FER1L6: variants seen among roughly 807,000 people sequenced by gnomAD.
FER1L6 encodes fer-1 like family member 6.
A neutral mutation model predicts 219.2 loss-of-function variants in FER1L6; 177 were observed. The ratio of observed to expected loss-of-function variants is 0.81; its 90% CI spans 0.71 to 0.91. The LOEUF is 0.91. Among genes scored for constraint, FER1L6 ranks in the 40% least tolerant of loss-of-function variants. The pLI is 0.00. For synonymous variants in FER1L6, 768 were observed against 824.3 expected (o/e 0.93, Z 1.17); for missense variants, 2,153 against 2,259.9 (o/e 0.95, Z 0.96).
intron 1 of FER1L6, among the ~76,000 whole-genome samples, chr8:123,862,736 ATTTC>A (rs1428087142): frequency 8.0e-6 from 1 of 124,808 alleles, no homozygotes; most frequent in African/African-American, 3.6e-5. Flanking sequence ...GAATGTATCC[ATTTC>A]TTCTAGATTT....
intron 39 of FER1L6, among the ~76,000 whole-genome samples, chr8:124,107,413 T>C (rs1244411717): frequency 3.3e-5 from 5 of 152,278 alleles, no homozygotes; most frequent in Admixed American, 3.3e-4. Flanking sequence ...GACAGGTAGA[T>C]TTTAATGGCA....
chr8:124,061,874 T>G lies in FER1L6; in HGVS notation c.3170T>G (p.Leu1057Arg), dbSNP rs1337038073. ...FEVELPENELLHPPLSICVVD... is the reference protein window; with the variant it reads ...FEVELPENELRHPPLSICVVD... ...CAGGAACTGCCTGAGAACGAGCTTC[T>G]GCACCCGCCACTGAGCATCTGCGTG... Residue 1057 changes from leucine to arginine, a missense_variant, in exon 25 of 41, where the codon CTG becomes CGG. Coordinates refer to ENST00000522917, the MANE Select transcript of FER1L6 (RefSeq NM_001039112.2). 6.2e-7 allele frequency: 1 copy of G among 1,613,730 alleles called. No individual in the cohort carries two copies. Among genetic ancestry groups the G allele is most frequent in the Non-Finnish European group, 8.5e-7 (1 of 1,179,966 alleles).
intron 1 of FER1L6, among the ~76,000 whole-genome samples, chr8:123,915,349 T>A (rs545047945): frequency 6.6e-6 from 1 of 152,162 alleles, no homozygotes; most frequent in African/African-American, 2.4e-5. Flanking sequence ...CCTTGGCTTT[T>A]CATTTGGTTT....
intron 35 of FER1L6, among the ~76,000 whole-genome samples, chr8:124,095,927 T>C (rs1822266230): frequency 1.3e-5 from 2 of 152,240 alleles, no homozygotes; most frequent in African/African-American, 4.8e-5. Context: ...AGATGGAATT[T>C]AGCCCAGGCA....
chr8:123,853,740 G>C lies in FER1L6; in HGVS notation c.-8+1555G>C, dbSNP rs1041536043. Among the ~76,000 whole-genome samples the C allele has an allele frequency of 2.1e-4, 32 of 152,332 alleles. No individual in the cohort carries two copies. Among genetic ancestry groups the C allele is most frequent in the South Asian group, 2.1e-4 (1 of 4,830 alleles). On this transcript the variant is annotated intron_variant, in intron 1 of 40. Coordinates refer to ENST00000522917, the MANE Select transcript of FER1L6 (RefSeq NM_001039112.2). The surrounding 1 kb of genome is among the most constrained non-coding windows in gnomAD (Gnocchi z 6.6). ...ATGATGAAGACCTGGAGGAGGAAAA[G>C]GCCAGAAAGCTGCAGACAACCCAAC... is the stretch of plus-strand genomic sequence containing the variant.
At chr8:123,884,448 G>A (rs915196920) in intron 1 of FER1L6, among the ~76,000 whole-genome samples, 17 of 152,198 alleles carry the variant, frequency 1.1e-4, no homozygotes, top group Non-Finnish European at 2.4e-4. Flanking sequence ...GGAGGTGCCT[G>A]GGGAAGGACA....
Position 124,010,716 on chromosome 8 carries a change from T to C in FER1L6, c.1821+2T>C. Reference sequence around the variant, plus strand: ...CTGGAGAAAATGGCAGACTTCCTGGTAGGTGACTCTGACAGGTGATGGATT... The same window carrying C: ...CTGGAGAAAATGGCAGACTTCCTGGCAGGTGACTCTGACAGGTGATGGATT... On this transcript the variant is annotated splice_donor_variant, in intron 14 of 40. Transcript: ENST00000522917. LOFTEE classifies it high-confidence loss of function. 1 of 1,612,792 alleles carries C rather than the reference T, an allele frequency of 6.2e-7. No individual in the cohort carries two copies. Among genetic ancestry groups the C allele is most frequent in the Non-Finnish European group, 8.5e-7 (1 of 1,179,722 alleles).
At chr8:123,998,370 GA>G (rs371611233) in intron 12 of FER1L6, among the ~76,000 whole-genome samples, 2 of 35,392 alleles carry the variant, frequency 5.7e-5, no homozygotes, top group East Asian at 8.7e-4. Flanking sequence ...CAAAAAGAGG[GA>G]AACTCTCTCT....
intron 1 of FER1L6, among the ~76,000 whole-genome samples, chr8:123,886,602 T>C (rs1170368445): frequency 2.0e-5 from 3 of 152,358 alleles, no homozygotes; most frequent in Non-Finnish European, 2.9e-5. Context: ...TCAGGTATTC[T>C]GCTGTAGCAA....
At chr8:123,869,704 A>T (rs1816894884) in intron 1 of FER1L6, among the ~76,000 whole-genome samples, 1 of 152,258 alleles carries the variant, frequency 6.6e-6, no homozygotes. Flanking sequence ...TAAAGTTTAT[A>T]TAAAAAGGCA....
At chr8:124,113,966 C>A (rs28610529) in intron 39 of FER1L6, among the ~76,000 whole-genome samples, 8,327 of 152,216 alleles carry the variant, frequency 0.055, 749 homozygotes, top group African/African-American at 0.19. Context: ...TCCCCTCTGC[C>A]GTTAGCAAAG....
chr8:124,011,647 CTTTT>C (rs551341750), intron 14 of FER1L6, among the ~76,000 whole-genome samples: 2 of 133,912 alleles, frequency 1.5e-5, no homozygotes, highest in South Asian at 2.4e-4. Flanking sequence ...CCATGCCTGA[CTTTT>C]TTTTTTTTTT....
intron 39 of FER1L6, among the ~76,000 whole-genome samples, chr8:124,114,844 CTATA>C (rs1271548967): frequency 7.3e-6 from 1 of 137,016 alleles, no homozygotes; most frequent in Non-Finnish European, 1.6e-5. Flanking sequence ...GTGGATGTAA[CTATA>C]TATACACTTA....
chr8:124,071,489 G>A lies in FER1L6; in HGVS notation c.3967-17G>A, dbSNP rs775417851. On this transcript the variant is annotated splice_polypyrimidine_tract_variant and intron_variant, in intron 30 of 40. Transcript: ENST00000522917. Reference sequence around the variant, plus strand: ...TATGACCATCTCATTTCAATGGGTTGCGTTTTGTGGTTCCAGGGCTCCTTC... The same window carrying A: ...TATGACCATCTCATTTCAATGGGTTACGTTTTGTGGTTCCAGGGCTCCTTC... The A allele has an allele frequency of 2.5e-6, 4 of 1,613,808 alleles. No individual in the cohort carries two copies. The highest frequency in any genetic ancestry group is 3.4e-6 in the Non-Finnish European group (4 of 1,179,806).
At chr8:123,913,409 T>C (rs564999471) in intron 1 of FER1L6, among the ~76,000 whole-genome samples, 13 of 152,132 alleles carry the variant, frequency 8.5e-5, no homozygotes, top group Non-Finnish European at 1.2e-4. Context: ...AGAAAGAAAA[T>C]AGGAGCATTT....
chr8:124,010,407 T>A (rs1817866711), intron 13 of FER1L6, among the ~76,000 whole-genome samples, 187 bp from the exon 14 acceptor site: 2 of 152,198 alleles, frequency 1.3e-5, no homozygotes, highest in South Asian at 4.1e-4. Context: ...ATTGTAGCCA[T>A]CTAACTGTTC....
rs1821281268 is a variant in FER1L6, at chr8:124,076,200, A to AT, written c.4098dup (p.Asn1367Ter). 1.2e-6 allele frequency: 2 copies of AT among 1,613,954 alleles called. No individual in the cohort carries two copies. Among genetic ancestry groups the AT allele is most frequent in the Non-Finnish European group, 1.7e-6 (2 of 1,179,876 alleles). ...GACATTTTCTTTTTCCTTTCCAGGCATTTAATCTTAGTCCAGCTGATCCAG... is the reference window on the plus strand; with the variant it reads ...GACATTTTCTTTTTCCTTTCCAGGCATTTTAATCTTAGTCCAGCTGATCCAG... On this transcript the variant is annotated frameshift_variant, in exon 32 of 41. Transcript: ENST00000522917. LOFTEE classifies it high-confidence loss of function.
At chr8:123,972,596 T>G (rs1815868104) in intron 6 of FER1L6, among the ~76,000 whole-genome samples, 1 of 152,170 alleles carries the variant, frequency 6.6e-6, no homozygotes, top group Non-Finnish European at 1.5e-5. Flanking sequence ...CTCATTCCAT[T>G]GCTGGGAAGT....
chr8:123,980,121 G>T (rs377167615), intron 10 of FER1L6, among the ~76,000 whole-genome samples: 1 of 152,080 alleles, frequency 6.6e-6, no homozygotes. Context: ...TACCTGCTTT[G>T]TTCTCCAGCA....
Sources: allele counts gnomAD v4.1 joint callset (sites outside exome capture counted in the v4.1 genomes callset), GRCh38; gene constraint gnomAD v4.1.1; non-coding constraint Gnocchi (gnomAD v3.1); transcripts MANE v1.5; gene names NCBI Gene and HGNC (gene_info 2026-07-23, HGNC 2026-07-21).